Variants in DPP10 observed in about 807,000 individuals in gnomAD.
DPP10 encodes inactive dipeptidyl peptidase 10.
DPP10 carries 33 observed loss-of-function variants against 120.9 expected under a neutral mutation model. The observed-to-expected ratio is 0.27, with a 90% confidence interval of 0.21 to 0.37. The LOEUF is 0.37. Among genes scored for constraint, DPP10 ranks in the 10% least tolerant of loss-of-function variants. The pLI is 1.00. For synonymous variants in DPP10, 337 were observed against 326.1 expected (o/e 1.03, Z -0.36); for missense variants, 816 against 942.8 (o/e 0.87, Z 1.76).
chr2:115,291,175 T>G (rs2060638698), intron 1 of DPP10, among the ~76,000 whole-genome samples: 1 of 151,982 alleles, frequency 6.6e-6, no homozygotes. Context: ...GGCCAATTTT[T>G]TATTTTTTGT....
intron 3 of DPP10, among the ~76,000 whole-genome samples, chr2:115,384,825 G>A (rs1363435434): frequency 1.3e-5 from 2 of 152,148 alleles, no homozygotes; most frequent in African/African-American, 4.8e-5. Flanking sequence ...GTATGGTTTG[G>A]CTCTTTTCTC....
chr2:115,235,561 G>T (rs1390188154), intron 1 of DPP10, among the ~76,000 whole-genome samples: 1 of 151,430 alleles, frequency 6.6e-6, no homozygotes, highest in Admixed American at 6.6e-5. Flanking sequence ...TTGTTTTTTT[G>T]GTGGGGGTGG....
intron 5 of DPP10, among the ~76,000 whole-genome samples, chr2:115,589,097 T>A: frequency 6.6e-6 from 1 of 152,132 alleles, no homozygotes; most frequent in East Asian, 1.9e-4. Context: ...GCCTACTACA[T>A]AGCTAGCAAA....
rs200983811 is a variant in DPP10, at chr2:114,831,857, A to T, written c.60+389019A>T. On this transcript the variant is annotated intron_variant, in intron 1 of 25. Coordinates refer to ENST00000410059, the MANE Select transcript of DPP10 (RefSeq NM_020868.6). ...TCTTTCTCTCTCTTTAATTAAAAAAAATATATATATATATAATATATATGT... is the reference window on the plus strand; with the variant it reads ...TCTTTCTCTCTCTTTAATTAAAAAATATATATATATATATAATATATATGT... Among the ~76,000 whole-genome samples, 940 of 146,096 alleles carry T rather than the reference A, an allele frequency of 6.4e-3. 7 individuals carry two copies. Among genetic ancestry groups the T allele is most frequent in the African/African-American group, 0.022 (884 of 40,320 alleles).
At chr2:114,675,635 C>A (rs2105668489) in intron 1 of DPP10, among the ~76,000 whole-genome samples, 1 of 152,252 alleles carries the variant, frequency 6.6e-6, no homozygotes, top group Non-Finnish European at 1.5e-5. Context: ...CCAGTATTGG[C>A]TTCATATTAG....
At chr2:115,362,517 C>T (rs567668550) in intron 3 of DPP10, among the ~76,000 whole-genome samples, 6 of 151,990 alleles carry the variant, frequency 3.9e-5, no homozygotes, top group Non-Finnish European at 5.9e-5. Flanking sequence ...TGGCAGGTGA[C>T]GTTTTCCAAC....
At chr2:114,739,262 A>G (rs889715376) in intron 1 of DPP10, among the ~76,000 whole-genome samples, 3 of 152,136 alleles carry the variant, frequency 2.0e-5, no homozygotes, top group African/African-American at 7.2e-5. Context: ...TTTTCCACCT[A>G]TCCATAAGCC....
intron 1 of DPP10, among the ~76,000 whole-genome samples, chr2:114,719,405 C>G (rs1157050267): frequency 6.6e-6 from 1 of 152,168 alleles, no homozygotes; most frequent in African/African-American, 2.4e-5. Flanking sequence ...CCCACCCACC[C>G]CCATTTCTGT....
intron 5 of DPP10, among the ~76,000 whole-genome samples, chr2:115,527,751 A>G (rs2078217815): frequency 6.6e-6 from 1 of 152,206 alleles, no homozygotes; most frequent in Admixed American, 6.6e-5. Flanking sequence ...GGCAATAAGT[A>G]CATGAAAATA....
chr2:115,184,907 G>A (rs1381958410), intron 1 of DPP10, among the ~76,000 whole-genome samples: 1 of 152,186 alleles, frequency 6.6e-6, no homozygotes, highest in East Asian at 1.9e-4. Flanking sequence ...ATTTAGTAAT[G>A]CATAATGTGA....
chr2:115,377,462 A>C (rs2065901513), intron 3 of DPP10, among the ~76,000 whole-genome samples: 1 of 152,208 alleles, frequency 6.6e-6, no homozygotes, highest in African/African-American at 2.4e-5. Flanking sequence ...ACCCTTTGTC[A>C]GATGAGTAGA....
At chr2:115,677,409 G>A (rs748112910) in intron 5 of DPP10, among the ~76,000 whole-genome samples, 20 of 113,310 alleles carry the variant, frequency 1.8e-4, no homozygotes, top group Non-Finnish European at 3.3e-4. Context: ...AATGATAGGA[G>A]TAAGTTTTTC....
At chr2:115,125,495 A>G (rs918835687) in intron 1 of DPP10, among the ~76,000 whole-genome samples, 1 of 151,890 alleles carries the variant, frequency 6.6e-6, no homozygotes, top group African/African-American at 2.4e-5. Flanking sequence ...TTAGAAGCCA[A>G]TTATACCATT....
chr2:115,768,641 T>C (rs1199266324), intron 13 of DPP10, among the ~76,000 whole-genome samples: 1 of 152,148 alleles, frequency 6.6e-6, no homozygotes, highest in African/African-American at 2.4e-5. Context: ...TCCTATGAAC[T>C]GAGGGCTTTG....
chr2:115,731,222 C>G (rs1402257965), intron 8 of DPP10, among the ~76,000 whole-genome samples: 2 of 151,842 alleles, frequency 1.3e-5, no homozygotes. Flanking sequence ...GCTGGGCATG[C>G]TGGTGCGTAC....
rs572135344 is a variant in DPP10 at position 115,787,942 on chromosome 2, A to G, written c.1532-3139A>G. 2.5e-3 allele frequency among the ~76,000 whole-genome samples: 381 copies of G among 152,280 alleles called. 1 individual carries two copies. The highest frequency in any genetic ancestry group is 4.5e-3 in the Non-Finnish European group (305 of 68,000). On this transcript the variant is annotated intron_variant, in intron 17 of 25. Coordinates refer to ENST00000410059, the MANE Select transcript of DPP10 (RefSeq NM_020868.6). ...AACAAAATGCTGCAAATGCTGACGG[A>G]AAACCAAACTGAACTAAACAAAAAT...
At chr2:115,646,715 G>A (rs2087294270) in intron 5 of DPP10, among the ~76,000 whole-genome samples, 1 of 152,112 alleles carries the variant, frequency 6.6e-6, no homozygotes, top group African/African-American at 2.4e-5. Flanking sequence ...TAAACAGACT[G>A]TTTTTATACA....
intron 1 of DPP10, among the ~76,000 whole-genome samples, chr2:114,542,048 CCTTTTT>C (rs1686999953): frequency 8.2e-6 from 1 of 122,202 alleles, no homozygotes; most frequent in African/African-American, 3.1e-5. Flanking sequence ...TTCTTTCTTT[CCTTTTT>C]TTTTTTTTTT....
At chr2:115,033,094 C>T (rs1304608999) in intron 1 of DPP10, among the ~76,000 whole-genome samples, 1 of 152,114 alleles carries the variant, frequency 6.6e-6, no homozygotes, top group Non-Finnish European at 1.5e-5. Context: ...ATCTGTTCTT[C>T]ACGAGTTTTA....
Sources: gnomAD v4.1 joint callset for allele counts (sites outside exome capture counted in the v4.1 genomes callset) on GRCh38, gnomAD v4.1.1 for gene constraint, MANE v1.5 for transcripts, NCBI Gene and HGNC (gene_info 2026-07-23, HGNC 2026-07-21) for gene names.